NPM1: variants seen among roughly 807,000 people sequenced by gnomAD.
NPM1 encodes nucleophosmin.
NPM1 carries 1 observed loss-of-function variant against 44.1 expected under a neutral mutation model. The ratio of observed to expected loss-of-function variants is 0.02; its 90% CI spans 0.01 to 0.11. NPM1 has a LOEUF of 0.11. Ranked by LOEUF, NPM1 falls within the 10% of genes least tolerant of loss-of-function variation. NPM1 has a pLI of 1.00. For synonymous variants in NPM1, 126 were observed against 111.8 expected (o/e 1.13, Z -0.80); for missense variants, 197 against 347.8 (o/e 0.57, Z 3.45).
At chr5:171,401,671 A>T (rs1022804821) in intron 8 of NPM1, among the ~76,000 whole-genome samples, 2 of 152,148 alleles carry the variant, frequency 1.3e-5, no homozygotes, top group Non-Finnish European at 2.9e-5. Flanking sequence ...CAAACCCCTG[A>T]CTGCAGGTGA....
intron 10 of NPM1, 132 bp downstream of exon 10, chr5:171,407,906 A>G (rs1239388704): frequency 1.6e-6 from 1 of 616,776 alleles, no homozygotes; most frequent in African/African-American, 1.9e-5. Context: ...CATTTAATGA[A>G]ATACCTGAAA....
chr5:171,393,343 T>G (rs1770693555), intron 6 of NPM1, among the ~76,000 whole-genome samples: 1 of 152,218 alleles, frequency 6.6e-6, no homozygotes. Flanking sequence ...AAAGAAAATA[T>G]GATTAAATAG....
In NPM1 at chr5:171,405,447, T is replaced by C. The variant is rs1484149833; in HGVS notation, c.771+44T>C. The C allele has an allele frequency of 6.0e-6, 5 of 837,972 alleles. No homozygotes were observed. The East Asian group carries it at 1.3e-4, about 21-fold the overall frequency. The allele number at this position is 837,972 out of a possible 1,614,324, so 51.9% of individuals were successfully genotyped here. ...AAAAAACTTTGTCTCCCCCCTCAAA[T>C]TGCACGTGTCTGGTTTGCATAGACT... On this transcript the variant is annotated intron_variant, in intron 9 of 10. Coordinates refer to ENST00000296930, the MANE Select transcript of NPM1 (RefSeq NM_002520.7).
At chr5:171,403,713 A>G (rs1426183440) in intron 8 of NPM1, among the ~76,000 whole-genome samples, 68 of 111,310 alleles carry the variant, frequency 6.1e-4, no homozygotes, top group Middle Eastern at 4.9e-3. Context: ...CCTCCCGGAC[A>G]GGGCGGCCGG....
rs142599503 is a variant in NPM1, at chr5:171,409,215, T to C, written c.847-1312T>C. Among the ~76,000 whole-genome samples, 14 of 152,342 alleles carry C rather than the reference T, an allele frequency of 9.2e-5. No individual in the cohort carries two copies. The East Asian group carries it at 2.7e-3, about 29-fold the overall frequency. On this transcript the variant is annotated intron_variant, in intron 10 of 10. Coordinates refer to ENST00000296930, the MANE Select transcript of NPM1 (RefSeq NM_002520.7). ...TTAATAACTTGAACTTGAATTGCTGTTACAGAGATTATCAAAACTAAATGC... is the reference window on the plus strand; with the variant it reads ...TTAATAACTTGAACTTGAATTGCTGCTACAGAGATTATCAAAACTAAATGC...
chr5:171,408,922 A>AACAAAGGCTTGTAGCT (rs1771696012), intron 10 of NPM1, among the ~76,000 whole-genome samples: 1 of 152,202 alleles, frequency 6.6e-6, no homozygotes, highest in African/African-American at 2.4e-5. Flanking sequence ...TGTACTTTAT[A>AACAAAGGCTTGTAGCT]ACAAAGGCTT....
chr5:171,404,316 G>A (rs1455104162), intron 8 of NPM1, among the ~76,000 whole-genome samples: 1 of 92,520 alleles, frequency 1.1e-5, no homozygotes, highest in Non-Finnish European at 2.2e-5. Context: ...GCTGCCGGGC[G>A]GAGAGGCTCC....
At chr5:171,397,492 T>C (rs1173197019) in intron 6 of NPM1, among the ~76,000 whole-genome samples, 1 of 152,192 alleles carries the variant, frequency 6.6e-6, no homozygotes, top group East Asian at 1.9e-4. Context: ...TGGTATGAAG[T>C]GCTGATTGTG....
intron 7 of NPM1, among the ~76,000 whole-genome samples, chr5:171,400,473 T>A (rs1296597028): frequency 6.6e-6 from 1 of 151,352 alleles, no homozygotes; most frequent in African/African-American, 2.4e-5. Flanking sequence ...TTTTTTTTTT[T>A]TTTGAGACGG....
At chr5:171,405,560 A>G (rs963968166) in intron 9 of NPM1, 157 bp downstream of exon 9, 2 of 633,778 alleles carry the variant, frequency 3.2e-6, no homozygotes, top group Non-Finnish European at 5.6e-6. Context: ...CTTATAAAAC[A>G]TTTATAATCG....
intron 9 of NPM1, chr5:171,406,687 TG>T (rs1360003719): frequency 7.8e-7 from 1 of 1,276,780 alleles, no homozygotes; most frequent in Non-Finnish European, 9.9e-7. Flanking sequence ...AAATCGCCTT[TG>T]TATCTCCTTA....
At chr5:171,410,012 T>C (rs1771746428) in intron 10 of NPM1, among the ~76,000 whole-genome samples, 1 of 151,648 alleles carries the variant, frequency 6.6e-6, no homozygotes, top group African/African-American at 2.4e-5. Flanking sequence ...CCCAGGCTGG[T>C]CTCAAATTCC....
At chr5:171,391,518 A>G in intron 3 of NPM1, 94 bp downstream of exon 3, 1 of 1,506,154 alleles carries the variant, frequency 6.6e-7, no homozygotes. Context: ...GGAGATAGAA[A>G]GTGGTTCTTT....
chr5:171,407,922 T>C (rs1005514914), intron 10 of NPM1, 148 bp downstream of exon 10: 3 of 604,934 alleles, frequency 5.0e-6, no homozygotes, highest in Non-Finnish European at 8.7e-6. Context: ...TGAAAACTCA[T>C]GTATTTAATG....
intron 8 of NPM1, among the ~76,000 whole-genome samples, chr5:171,401,470 T>G (rs1771196429): frequency 6.6e-6 from 1 of 152,086 alleles, no homozygotes; most frequent in East Asian, 1.9e-4. Context: ...GGACCCTCAC[T>G]TTGTCACTCA....
chr5:171,400,490 A>G (rs560863163), intron 7 of NPM1, among the ~76,000 whole-genome samples: 1 of 143,158 alleles, frequency 7.0e-6, no homozygotes, highest in Admixed American at 7.2e-5. Context: ...ACGGAGTCTC[A>G]ATGTCACCCG....
At chr5:171,395,497 A>G (rs1235934990) in intron 6 of NPM1, among the ~76,000 whole-genome samples, 1 of 151,982 alleles carries the variant, frequency 6.6e-6, no homozygotes, top group Non-Finnish European at 1.5e-5. Flanking sequence ...ACGGGGTTTC[A>G]CCATGTTGGC....
chr5:171,405,280 TG>T, intron 8 of NPM1, 21 bp from the exon 9 acceptor site: 1 of 1,205,950 alleles, frequency 8.3e-7, no homozygotes, highest in Non-Finnish European at 1.2e-6. Context: ...TATGACCTTT[TG>T]GAAATTCATT....
intron 3 of NPM1, 83 bp downstream of exon 3, chr5:171,391,507 A>G: frequency 3.2e-6 from 5 of 1,544,154 alleles, no homozygotes; most frequent in South Asian, 1.2e-5. Flanking sequence ...AGTTGTGCCA[A>G]GGAGATAGAA....
Sources: gnomAD v4.1 joint callset for allele counts (sites outside exome capture counted in the v4.1 genomes callset) on GRCh38, gnomAD v4.1.1 for gene constraint, MANE v1.5 for transcripts, NCBI Gene and HGNC (gene_info 2026-07-23, HGNC 2026-07-21) for gene names.